ADAT1: variants seen among roughly 807,000 people sequenced by gnomAD.
ADAT1 encodes the protein tRNA-specific adenosine deaminase 1.
Under a neutral mutation model 58.6 loss-of-function variants are expected in ADAT1, and 58 were observed. That is an observed-to-expected ratio of 0.99 (90% CI 0.80 to 1.23). ADAT1 has a LOEUF of 1.23. Among genes scored for constraint, ADAT1 ranks in the 50% most tolerant of loss-of-function variants. ADAT1 has a pLI of 0.00. For synonymous variants in ADAT1, 254 were observed against 220.8 expected (o/e 1.15, Z -1.33); for missense variants, 741 against 608.6 (o/e 1.22, Z -2.29).
intron 1 of ADAT1, among the ~76,000 whole-genome samples, chr16:75,622,154 A>G (rs898441118): frequency 1.3e-5 from 2 of 152,194 alleles, no homozygotes; most frequent in African/African-American, 4.8e-5. Context: ...CCTCTCAAAA[A>G]AACAAAAAAG....
rs774274154 is a variant in ADAT1, at chr16:75,620,303, T to C, written c.201A>G (p.Gly67=). 14 of 1,614,180 alleles carry C rather than the reference T, an allele frequency of 8.7e-6. No homozygotes were observed. In the South Asian group the frequency reaches 1.5e-4, roughly 18 times the overall value. ...VTKEVVSMGT[G]TKCIGQSKMR... is the part of the protein sequence containing the mutation. ...TTTTGGACTGTCCTATGCATTTTGT[T>C]CCTGTTCCCATTGACACAACTTCCT... The change falls in exon 3 of 10, where the codon GGA becomes GGG. Residue 67 remains glycine, a synonymous_variant. Coordinates refer to ENST00000564657, the MANE Select transcript of ADAT1 (RefSeq NM_001324445.2).
In ADAT1 at chr16:75,620,318, C is replaced by G. The variant is rs548139814; in HGVS notation, c.186G>C (p.Val62=). ...DKPVQVTKEV[V]SMGTGTKCIG... Reference sequence around the variant, plus strand: ...TGCATTTTGTTCCTGTTCCCATTGACACAACTTCCTTTGTCACTGTGGGAA... The same window carrying G: ...TGCATTTTGTTCCTGTTCCCATTGAGACAACTTCCTTTGTCACTGTGGGAA... Residue 62 remains valine, a synonymous_variant, in exon 3 of 10, where the codon GTG becomes GTC. Transcript: ENST00000564657. The G allele has an allele frequency of 5.0e-6, 8 of 1,614,136 alleles. No homozygotes were observed. In the East Asian group the frequency reaches 1.1e-4, roughly 22 times the overall value.
rs953364666 is a variant in ADAT1, at chr16:75,596,877, C to A, written c.*3339G>T. On this transcript the variant is annotated 3_prime_UTR_variant, in exon 10 of 10. Coordinates refer to ENST00000564657, the MANE Select transcript of ADAT1 (RefSeq NM_001324445.2). Reference sequence around the variant, plus strand: ...AAACAAAACATTTATATCCATACAACTGATTTTTATTCCATAAATAGTAAT... The same window carrying A: ...AAACAAAACATTTATATCCATACAAATGATTTTTATTCCATAAATAGTAAT... 3.9e-5 allele frequency: 6 copies of A among 152,152 alleles called. 1 individual carries two copies. Among genetic ancestry groups the A allele is most frequent in the Admixed American group, 3.9e-4 (6 of 15,276 alleles). 9.4% of individuals were successfully genotyped at this position (152,152 alleles called of 1,614,324 possible).
Position 75,603,367 on chromosome 16 carries a change from A to G in ADAT1, c.1290-196T>C, listed in dbSNP as rs146313187. Among the ~76,000 whole-genome samples, 321 of 152,328 alleles carry G rather than the reference A, an allele frequency of 2.1e-3. 1 individual carries two copies. Among genetic ancestry groups the G allele is most frequent in the African/African-American group, 7.4e-3 (309 of 41,584 alleles). On this transcript the variant is annotated intron_variant, in intron 8 of 9. Coordinates refer to ENST00000564657, the MANE Select transcript of ADAT1 (RefSeq NM_001324445.2). Reference sequence around the variant, plus strand: ...AGGTATAAAAACGAGTCTAACCTTAAGAAATGCCATCAGCCATGGGATCAT... The same window carrying G: ...AGGTATAAAAACGAGTCTAACCTTAGGAAATGCCATCAGCCATGGGATCAT...
chr16:75,603,149 GT>G lies in ADAT1; in HGVS notation c.1311del (p.Glu437AspfsTer10). On this transcript the variant is annotated frameshift_variant, in exon 9 of 10. Coordinates refer to ENST00000564657, the MANE Select transcript of ADAT1 (RefSeq NM_001324445.2). LOFTEE classifies it high-confidence loss of function. Reference protein sequence around the residue: ...LQARSQISKVELFRSFQKLLS... With the variant: ...LQARSQISKVXLFRSFQKLLS... ...AGCAGCTTCTGGAATGATCTGAAGA[GT>G]TCCACTTTGCTGATTTGGGATCTGT... The G allele has an allele frequency of 3.7e-6, 6 of 1,614,000 alleles. No homozygotes were observed. The highest frequency in any genetic ancestry group is 5.1e-6 in the Non-Finnish European group (6 of 1,179,898).
In ADAT1 at chr16:75,599,738, G is replaced by A; in HGVS notation, c.*478C>T. On this transcript the variant is annotated 3_prime_UTR_variant, in exon 10 of 10. Transcript: ENST00000564657. ...AAGGTTAGCTTCAGCCAAGTCTGAG[G>A]CACAGAGCAGGATCACTGAAGAATG... 1.0e-6 allele frequency: 1 copy of A among 989,342 alleles called. No individual in the cohort carries two copies. The highest frequency in any genetic ancestry group is 1.2e-6 in the Non-Finnish European group (1 of 832,314). The allele number at this position is 989,342 out of a possible 1,614,324, so 61.3% of individuals were successfully genotyped here. A position where few individuals can be genotyped will look rare whatever the true frequency, so the allele number is the denominator to read the frequency against.
rs570297491 is a variant in ADAT1 at position 75,620,484 on chromosome 16, G to T, written c.169+147C>A. ...CCAGCATGGCGGTCTCCCGCCATCA[G>T]AGGTACTGCGTCACCTAGCAGAGGA... On this transcript the variant is annotated intron_variant, in intron 2 of 9. Coordinates refer to ENST00000564657, the MANE Select transcript of ADAT1 (RefSeq NM_001324445.2). The T allele has an allele frequency of 7.2e-6, 10 of 1,381,476 alleles. No homozygotes were observed. The Admixed American group carries it at 1.5e-4, about 20-fold the overall frequency. The allele number at this position is 1,381,476 out of a possible 1,614,324, so 85.6% of individuals were successfully genotyped here.
chr16:75,611,083 C>T (rs2081517765), intron 6 of ADAT1, among the ~76,000 whole-genome samples: 1 of 152,154 alleles, frequency 6.6e-6, no homozygotes, highest in African/African-American at 2.4e-5. Flanking sequence ...CACTGCACTC[C>T]AGTCTGGGTG....
At chr16:75,610,486 A>G (rs564207761) in intron 6 of ADAT1, among the ~76,000 whole-genome samples, 1 of 152,234 alleles carries the variant, frequency 6.6e-6, no homozygotes, top group African/African-American at 2.4e-5. Context: ...TTGTAGAGAC[A>G]GGGTTTCCTC....
chr16:75,601,641 C>T (rs2081234231), intron 9 of ADAT1, among the ~76,000 whole-genome samples: 1 of 152,124 alleles, frequency 6.6e-6, no homozygotes, highest in South Asian at 2.1e-4. Flanking sequence ...GCCTGTAATC[C>T]TAGCTACTCT....
chr16:75,617,410 G>A (rs1444761887), intron 4 of ADAT1, 138 bp from the exon 5 acceptor site: 8 of 909,464 alleles, frequency 8.8e-6, no homozygotes, highest in Middle Eastern at 2.4e-4. Flanking sequence ...GAATGCTCTA[G>A]ACCAGTGATT....
chr16:75,618,185 A>G (rs1567483945), intron 4 of ADAT1, among the ~76,000 whole-genome samples: 2 of 151,352 alleles, frequency 1.3e-5, no homozygotes, highest in Non-Finnish European at 2.9e-5. Flanking sequence ...GACTAATATC[A>G]TCTGTATTAC....
At chr16:75,617,002 T>C in intron 5 of ADAT1, 140 bp downstream of exon 5, 1 of 994,388 alleles carries the variant, frequency 1.0e-6, no homozygotes, top group Non-Finnish European at 1.5e-6. Flanking sequence ...AAAAAGGCAC[T>C]GTCACTACTT....
At chr16:75,603,512 A>T (rs187139621) in intron 8 of ADAT1, among the ~76,000 whole-genome samples, 1 of 152,324 alleles carries the variant, frequency 6.6e-6, no homozygotes, top group East Asian at 1.9e-4. Context: ...GGTTTACAAG[A>T]AATGGAAAGC....
At chr16:75,604,504 CACACACACACACACAT>C (rs1267954395) in intron 8 of ADAT1, among the ~76,000 whole-genome samples, 6 of 134,296 alleles carry the variant, frequency 4.5e-5, no homozygotes, top group African/African-American at 1.7e-4. Flanking sequence ...CACACACACA[CACACACACACACACAT>C]ATATACATAT....
At chr16:75,622,037 C>T (rs1302655118) in intron 1 of ADAT1, among the ~76,000 whole-genome samples, 1 of 152,192 alleles carries the variant, frequency 6.6e-6, no homozygotes, top group Non-Finnish European at 1.5e-5. Flanking sequence ...GTAGTCCCAG[C>T]TACTCGGGAG....
At chr16:75,609,667 C>T (rs2081469835) in intron 6 of ADAT1, among the ~76,000 whole-genome samples, 1 of 152,100 alleles carries the variant, frequency 6.6e-6, no homozygotes, top group Admixed American at 6.6e-5. Flanking sequence ...AAAGAAACCT[C>T]GTACCTATTA....
chr16:75,603,076 C>G lies in ADAT1; in HGVS notation c.1376+9G>C, dbSNP rs1896831967. ...CTAAATATGAGAAAACATAGGTCAA[C>G]AGCATCACCTGAGGGAGTGTGGCCA... On this transcript the variant is annotated intron_variant, in intron 9 of 9. Coordinates refer to ENST00000564657, the MANE Select transcript of ADAT1 (RefSeq NM_001324445.2). 6.2e-7 allele frequency: 1 copy of G among 1,612,480 alleles called. No homozygotes were observed. Among genetic ancestry groups the G allele is most frequent in the Non-Finnish European group, 8.5e-7 (1 of 1,178,696 alleles).
chr16:75,604,510 CACACACACATAT>C (rs1435069311), intron 8 of ADAT1, among the ~76,000 whole-genome samples: 26 of 133,902 alleles, frequency 1.9e-4, no homozygotes, highest in Non-Finnish European at 2.5e-4. Context: ...CACACACACA[CACACACACATAT>C]ATACATATAT....
Sources: allele counts gnomAD v4.1 joint callset (sites outside exome capture counted in the v4.1 genomes callset), GRCh38; gene constraint gnomAD v4.1.1; transcripts MANE v1.5; gene names NCBI Gene and HGNC (gene_info 2026-07-23, HGNC 2026-07-21).